DEPDC5: variants seen among roughly 807,000 people sequenced by gnomAD.
The protein encoded by DEPDC5 is GATOR1 complex protein DEPDC5.
DEPDC5 carries 73 observed loss-of-function variants against 217.3 expected under a neutral mutation model. That is an observed-to-expected ratio of 0.34 (90% confidence interval 0.28 to 0.41). The LOEUF (loss-of-function observed/expected upper bound fraction) is 0.41. Ranked by LOEUF, DEPDC5 falls within the 10% of genes least tolerant of loss-of-function variation. The pLI is 1.00. For synonymous variants in DEPDC5, 733 were observed against 756.7 expected (o/e 0.97, Z 0.51); for missense variants, 1,675 against 2,070.1 (o/e 0.81, Z 3.70).
chr22:31,892,590 AAG>A (rs2093460845), intron 38 of DEPDC5, among the ~76,000 whole-genome samples: 1 of 152,214 alleles, frequency 6.6e-6, no homozygotes, highest in African/African-American at 2.4e-5. Context: ...AGAATGAGGC[AAG>A]AGAATCACTT....
At chr22:31,868,374 ACC>A (rs2092745938) in intron 33 of DEPDC5, among the ~76,000 whole-genome samples, 1 of 151,912 alleles carries the variant, frequency 6.6e-6, no homozygotes, top group African/African-American at 2.4e-5. Context: ...CAGTTATCTG[ACC>A]CCAGAGGGCA....
chr22:31,856,162 C>CAG lies in DEPDC5; in HGVS notation c.3156-1282_3156-1281insGA, dbSNP rs1268037111. On this transcript the variant is annotated intron_variant, in intron 31 of 42. Transcript: ENST00000651528. ...GCTGAGTTGGGCCAACGCGCACACA[C>CAG]ACACACACACACACACACACACACA... 4.0e-5 allele frequency among the ~76,000 whole-genome samples: 6 copies of CAG among 150,422 alleles called. No homozygotes were observed. In the East Asian group the frequency reaches 1.2e-3, roughly 29 times the overall value.
intron 4 of DEPDC5, among the ~76,000 whole-genome samples, chr22:31,763,778 A>C (rs2082596556): frequency 6.6e-6 from 1 of 151,938 alleles, no homozygotes; most frequent in Non-Finnish European, 1.5e-5. Context: ...TGAGGAGAAA[A>C]CATTCTATAA....
rs1400541445 is a variant in DEPDC5 at position 31,876,130 on chromosome 22, ATTTCAGAG to A, written c.3697-21_3697-14del. ...CCCTTCAAGATGCCTCTCTGCAGGA[ATTTCAGAG>A]TTTCAATGTCTCTCCTAGAAAATGC... On this transcript the variant is annotated intron_variant, in intron 36 of 42. Coordinates refer to ENST00000651528, the MANE Select transcript of DEPDC5 (RefSeq NM_001242896.3). 6.2e-7 allele frequency: 1 copy of A among 1,607,002 alleles called. No homozygotes were observed. The highest frequency in any genetic ancestry group is 1.1e-5 in the South Asian group (1 of 90,932).
intron 40 of DEPDC5, among the ~76,000 whole-genome samples, chr22:31,901,452 G>A (rs1279648840): frequency 6.6e-6 from 1 of 152,088 alleles, no homozygotes; most frequent in African/African-American, 2.4e-5. Context: ...GAAGTCATTC[G>A]AATGAGCCTT....
At chr22:31,802,272 G>C (rs1362005411) in intron 14 of DEPDC5, among the ~76,000 whole-genome samples, 4 of 151,700 alleles carry the variant, frequency 2.6e-5, no homozygotes, top group Non-Finnish European at 4.4e-5. Flanking sequence ...GGGATTACAG[G>C]TGCACATCAC....
At chr22:31,813,753 G>C (rs1241424020) in intron 20 of DEPDC5, among the ~76,000 whole-genome samples, 2 of 151,738 alleles carry the variant, frequency 1.3e-5, no homozygotes, top group Non-Finnish European at 2.9e-5. Flanking sequence ...ATAGAGAATA[G>C]TATCATGAAC....
chr22:31,860,949 C>T (rs761401838), intron 32 of DEPDC5, among the ~76,000 whole-genome samples: 3 of 152,110 alleles, frequency 2.0e-5, no homozygotes, highest in Non-Finnish European at 2.9e-5. Flanking sequence ...AGCTGCTCTG[C>T]GGCCTTTTCA....
intron 4 of DEPDC5, among the ~76,000 whole-genome samples, chr22:31,764,372 C>G (rs939115339): frequency 1.3e-5 from 2 of 152,080 alleles, no homozygotes; most frequent in African/African-American, 4.8e-5. Flanking sequence ...CCTTTCTCTT[C>G]TGGAGTTTTA....
intron 18 of DEPDC5, among the ~76,000 whole-genome samples, chr22:31,806,952 T>C (rs1448210707): frequency 1.3e-5 from 2 of 152,202 alleles, no homozygotes; most frequent in African/African-American, 4.8e-5. Flanking sequence ...TCCATTGCTG[T>C]GGTGAGCTAT....
At chr22:31,905,922 C>G (rs530294236) in intron 41 of DEPDC5, 62 bp from the exon 42 acceptor site, 1 of 1,450,650 alleles carries the variant, frequency 6.9e-7, no homozygotes, top group Non-Finnish European at 9.6e-7. Context: ...CAGCTACATT[C>G]TCTTCCCTTG....
chr22:31,906,975 C>G lies in DEPDC5; in HGVS notation c.*478C>G, dbSNP rs1385710911. The G allele has an allele frequency of 5.8e-6, 1 of 171,250 alleles. No homozygotes were observed. The highest frequency in any genetic ancestry group is 2.4e-5 in the African/African-American group (1 of 42,002). The allele number at this position is 171,250 out of a possible 1,614,324, so 10.6% of individuals were successfully genotyped here. On this transcript the variant is annotated 3_prime_UTR_variant, in exon 43 of 43. Coordinates refer to ENST00000651528, the MANE Select transcript of DEPDC5 (RefSeq NM_001242896.3). The surrounding 1 kb of genome is among the most constrained non-coding windows in gnomAD (Gnocchi z 5.1). ...ATAGACTCTCACCAACTGTATATAC[C>G]TGTACATATCAGAAGCAAATAAAGA... is the stretch of plus-strand genomic sequence containing the variant.
At chr22:31,793,234 G>T (rs1172631992) in intron 12 of DEPDC5, among the ~76,000 whole-genome samples, 1 of 152,028 alleles carries the variant, frequency 6.6e-6, no homozygotes, top group East Asian at 1.9e-4. Flanking sequence ...TCAAAACTAG[G>T]TTAACATTGG....
chr22:31,801,870 C>G (rs922030609), intron 14 of DEPDC5, among the ~76,000 whole-genome samples: 3 of 152,006 alleles, frequency 2.0e-5, no homozygotes, highest in African/African-American at 7.2e-5. Context: ...AGTAAATCTT[C>G]TTGTCATATT....
chr22:31,767,905 C>T (rs576315693), intron 6 of DEPDC5, among the ~76,000 whole-genome samples: 1 of 151,556 alleles, frequency 6.6e-6, no homozygotes, highest in African/African-American at 2.4e-5. Flanking sequence ...GCCACCACAC[C>T]CGGCTAATTT....
chr22:31,886,020 G>A (rs535642121), intron 38 of DEPDC5, among the ~76,000 whole-genome samples: 4 of 149,396 alleles, frequency 2.7e-5, no homozygotes, highest in East Asian at 1.9e-4. Flanking sequence ...GTGACAGAGC[G>A]AGACTCCCTC....
At chr22:31,857,376 T>C in intron 31 of DEPDC5, 69 bp from the exon 32 acceptor site, 1 of 1,369,354 alleles carries the variant, frequency 7.3e-7, no homozygotes, top group Non-Finnish European at 1.0e-6. Context: ...TGTCTGCATC[T>C]TGGCCGACAT....
At chr22:31,823,551 AAAAG>A (rs1400437121) in intron 24 of DEPDC5, among the ~76,000 whole-genome samples, 3 of 150,818 alleles carry the variant, frequency 2.0e-5, no homozygotes, top group East Asian at 1.9e-4. Flanking sequence ...AAAAAAAAAA[AAAAG>A]AGAAGTGAGC....
At position 31,810,510 on chromosome 22, in the gene DEPDC5, G is replaced by A. The variant is rs1323939748; in HGVS notation, c.1325-11G>A. ...TATTTGATGACAATTTATATTATTTGTGTATTTCAGCTCTCGGGAGTCCAA... is the reference window on the plus strand; with the variant it reads ...TATTTGATGACAATTTATATTATTTATGTATTTCAGCTCTCGGGAGTCCAA... On this transcript the variant is annotated splice_polypyrimidine_tract_variant and intron_variant, in intron 19 of 42. Coordinates refer to ENST00000651528, the MANE Select transcript of DEPDC5 (RefSeq NM_001242896.3). 10 of 1,613,812 alleles carry A rather than the reference G, an allele frequency of 6.2e-6. No homozygotes were observed. Among genetic ancestry groups the A allele is most frequent in the Non-Finnish European group, 7.6e-6 (9 of 1,179,986 alleles).
Sources: gnomAD v4.1 joint callset for allele counts (sites outside exome capture counted in the v4.1 genomes callset) on GRCh38, gnomAD v4.1.1 for gene constraint, Gnocchi (gnomAD v3.1) non-coding constraint, MANE v1.5 for transcripts, NCBI Gene and HGNC (gene_info 2026-07-23, HGNC 2026-07-21) for gene names.